GPC6: variants seen among roughly 807,000 people sequenced by gnomAD.
GPC6 encodes the protein glypican 6.
GPC6 carries 14 observed loss-of-function variants against 55.2 expected under a neutral mutation model. That is an observed-to-expected ratio of 0.25 (90% CI 0.17 to 0.40). The LOEUF (loss-of-function observed/expected upper bound fraction) is 0.40. Among genes scored for constraint, GPC6 ranks in the 10% least tolerant of loss-of-function variants. The pLI is 1.00. For synonymous variants in GPC6, 278 were observed against 259.6 expected (o/e 1.07, Z -0.68); for missense variants, 641 against 708.5 (o/e 0.90, Z 1.08).
At chr13:93,334,228 T>C (rs1456806942) in intron 1 of GPC6, among the ~76,000 whole-genome samples, 1 of 152,180 alleles carries the variant, frequency 6.6e-6, no homozygotes, top group Non-Finnish European at 1.5e-5. Flanking sequence ...TTTGTCTTTT[T>C]ATCTGAATGT....
chr13:93,309,068 A>C (rs2139105492), intron 1 of GPC6, among the ~76,000 whole-genome samples: 1 of 152,262 alleles, frequency 6.6e-6, no homozygotes. Flanking sequence ...GGAACAATGA[A>C]CTGGAAAATA....
intron 1 of GPC6, among the ~76,000 whole-genome samples, chr13:93,286,897 A>C (rs965968947): frequency 1.4e-4 from 21 of 152,276 alleles, no homozygotes; most frequent in African/African-American, 4.8e-4. Flanking sequence ...AAATGCTCTA[A>C]AATTCCAAGC....
At chr13:93,573,626 G>A (rs1308817952) in intron 2 of GPC6, among the ~76,000 whole-genome samples, 1 of 152,018 alleles carries the variant, frequency 6.6e-6, no homozygotes, top group Non-Finnish European at 1.5e-5. Flanking sequence ...GAGAAAAAAG[G>A]GTTAGGTACT....
At chr13:93,367,548 A>G (rs1022153834) in intron 1 of GPC6, among the ~76,000 whole-genome samples, 6 of 151,644 alleles carry the variant, frequency 4.0e-5, no homozygotes, top group African/African-American at 1.2e-4. Context: ...CTGATTTGAG[A>G]CTTTCCCTTT....
intron 4 of GPC6, among the ~76,000 whole-genome samples, chr13:94,035,463 T>C (rs1180457956): frequency 6.6e-6 from 1 of 152,064 alleles, no homozygotes; most frequent in African/African-American, 2.4e-5. Flanking sequence ...AACATAGAGC[T>C]AAGTAACTGG....
At chr13:93,654,989 A>G (rs1594345851) in intron 2 of GPC6, among the ~76,000 whole-genome samples, 1 of 143,974 alleles carries the variant, frequency 6.9e-6, no homozygotes, top group Non-Finnish European at 1.5e-5. Flanking sequence ...GGCGCCCACT[A>G]CCATGCCCGG....
At chr13:94,380,338 A>G (rs1024724968) in intron 6 of GPC6, among the ~76,000 whole-genome samples, 6 of 152,170 alleles carry the variant, frequency 3.9e-5, no homozygotes, top group Non-Finnish European at 4.4e-5. Flanking sequence ...TGAGTGGCCT[A>G]TTGTGGGCAC....
chr13:94,001,303 T>C (rs1304019258), intron 3 of GPC6, among the ~76,000 whole-genome samples: 1 of 152,194 alleles, frequency 6.6e-6, no homozygotes, highest in African/African-American at 2.4e-5. Context: ...ATTATTTTTA[T>C]TATCTTTAAT....
chr13:93,610,619 A>G (rs1007581865), intron 2 of GPC6, among the ~76,000 whole-genome samples: 1 of 152,148 alleles, frequency 6.6e-6, no homozygotes, highest in Non-Finnish European at 1.5e-5. Context: ...TTATACACCT[A>G]TATGTTTATA....
chr13:93,539,672 C>T (rs2034720403), intron 1 of GPC6, among the ~76,000 whole-genome samples: 1 of 148,684 alleles, frequency 6.7e-6, no homozygotes, highest in Admixed American at 6.9e-5. Flanking sequence ...ATCATATTAG[C>T]CAAGAGAGGA....
intron 1 of GPC6, among the ~76,000 whole-genome samples, chr13:93,330,297 G>C (rs1468399209): frequency 6.6e-6 from 1 of 152,172 alleles, no homozygotes. Context: ...GGCCAGGGTA[G>C]GAGGACTGCT....
intron 3 of GPC6, among the ~76,000 whole-genome samples, chr13:93,853,922 A>C (rs1594525751): frequency 6.6e-6 from 1 of 151,880 alleles, no homozygotes; most frequent in Admixed American, 6.6e-5. Flanking sequence ...CACAGGGACA[A>C]GATAAAATGA....
At chr13:93,874,559 A>G (rs543012552) in intron 3 of GPC6, among the ~76,000 whole-genome samples, 1 of 150,596 alleles carries the variant, frequency 6.6e-6, no homozygotes, top group African/African-American at 2.4e-5. Context: ...TTCTCATTGC[A>G]AATAGAAAGG....
chr13:93,637,231 C>G (rs1214076811), intron 2 of GPC6, among the ~76,000 whole-genome samples: 1 of 152,080 alleles, frequency 6.6e-6, no homozygotes, highest in African/African-American at 2.4e-5. Flanking sequence ...ACTTTACTCG[C>G]TTTAAGGGTG....
chr13:93,720,064 C>A (rs1447342318), intron 2 of GPC6, among the ~76,000 whole-genome samples: 1 of 151,962 alleles, frequency 6.6e-6, no homozygotes, highest in African/African-American at 2.4e-5. Context: ...GTGTCTCTGC[C>A]AGGTTTTGGT....
chr13:93,822,857 T>TATC (rs1887104788), intron 2 of GPC6, among the ~76,000 whole-genome samples: 1 of 148,106 alleles, frequency 6.8e-6, no homozygotes, highest in South Asian at 2.1e-4. Flanking sequence ...ATTATTATTT[T>TATC]ATTATTATTA....
intron 1 of GPC6, among the ~76,000 whole-genome samples, chr13:93,522,764 T>C (rs1455399971): frequency 6.6e-6 from 1 of 151,900 alleles, no homozygotes; most frequent in African/African-American, 2.4e-5. Context: ...CGGAGGCATT[T>C]TTTTGGCTAT....
chr13:93,346,992 T>C, intron 1 of GPC6, among the ~76,000 whole-genome samples: 1 of 152,188 alleles, frequency 6.6e-6, no homozygotes, highest in Non-Finnish European at 1.5e-5. Flanking sequence ...AAATCAAAAC[T>C]AATTTCTTAT....
intron 1 of GPC6, among the ~76,000 whole-genome samples, chr13:93,341,994 G>A (rs1277906128): frequency 6.6e-6 from 1 of 150,746 alleles, no homozygotes; most frequent in African/African-American, 2.4e-5. Flanking sequence ...TTGGCTCACT[G>A]AGTAGCTGGG....
Sources: allele counts gnomAD v4.1 joint callset (sites outside exome capture counted in the v4.1 genomes callset), GRCh38; gene constraint gnomAD v4.1.1; transcripts MANE v1.5; gene names NCBI Gene and HGNC (gene_info 2026-07-23, HGNC 2026-07-21).